The following MCTP1 variants were observed in gnomAD, a reference collection of about 807,000 sequenced individuals.
The protein encoded by MCTP1 is multiple C2 and transmembrane domain-containing protein 1.
Under a neutral mutation model 120.6 loss-of-function variants are expected in MCTP1, and 69 were observed. The observed-to-expected ratio is 0.57, with a 90% CI of 0.47 to 0.70. The LOEUF (loss-of-function observed/expected upper bound fraction) is 0.70, where lower values mean the gene tolerates loss of function less well. Ranked by LOEUF, MCTP1 falls within the 30% of genes least tolerant of loss-of-function variation. MCTP1 has a pLI of 0.00. For missense variants in MCTP1, 1,203 were observed against 1,248.8 expected (o/e 0.96, Z 0.55); for synonymous variants, 529 against 493.1 (o/e 1.07, Z -0.96).
At chr5:94,923,670 G>A (rs190324562) in intron 7 of MCTP1, among the ~76,000 whole-genome samples, 7 of 152,192 alleles carry the variant, frequency 4.6e-5, no homozygotes, top group African/African-American at 7.2e-5. Flanking sequence ...AGATGGCACC[G>A]TTATATTCCT....
intron 1 of MCTP1, among the ~76,000 whole-genome samples, chr5:95,079,146 C>T (rs1207011683): frequency 2.6e-5 from 4 of 152,122 alleles, no homozygotes; most frequent in African/African-American, 9.7e-5. Flanking sequence ...CCATAGCTTT[C>T]CTACTTGGGT....
chr5:94,725,035 C>T (rs976129327), intron 19 of MCTP1, among the ~76,000 whole-genome samples: 21 of 152,068 alleles, frequency 1.4e-4, no homozygotes, highest in African/African-American at 5.1e-4. Flanking sequence ...TTGTATGCCT[C>T]ACAGGGTTTT....
intron 1 of MCTP1, among the ~76,000 whole-genome samples, chr5:95,276,710 G>A (rs535298699): frequency 6.6e-6 from 1 of 151,744 alleles, no homozygotes; most frequent in Admixed American, 6.6e-5. Flanking sequence ...AGCACTTTGG[G>A]AGGCGGCTGA....
chr5:94,966,781 C>T (rs904052755), intron 2 of MCTP1, among the ~76,000 whole-genome samples: 5 of 150,590 alleles, frequency 3.3e-5, no homozygotes, highest in South Asian at 2.1e-4. Flanking sequence ...GGCGACAAAG[C>T]GAGACTCTGT....
intron 1 of MCTP1, among the ~76,000 whole-genome samples, chr5:95,111,672 T>C (rs1757464514): frequency 6.6e-6 from 1 of 152,140 alleles, no homozygotes; most frequent in Non-Finnish European, 1.5e-5. Context: ...ATGCAAAAAA[T>C]ACAATTATTA....
At chr5:94,867,654 AT>A (rs1026937005) in intron 17 of MCTP1, 91 of 365,574 alleles carry the variant, frequency 2.5e-4, no homozygotes, top group Non-Finnish European at 2.5e-4. Context: ...AGAGAAGAAA[AT>A]CCCAGCTAAA....
intron 19 of MCTP1, among the ~76,000 whole-genome samples, chr5:94,743,630 C>CT (rs1766117494): frequency 1.6e-5 from 2 of 124,586 alleles, no homozygotes; most frequent in African/African-American, 6.2e-5. Context: ...TCAAAATCCA[C>CT]ATTTTTTTTT....
At chr5:95,228,225 A>G (rs913039557) in intron 1 of MCTP1, among the ~76,000 whole-genome samples, 6 of 152,194 alleles carry the variant, frequency 3.9e-5, no homozygotes, top group African/African-American at 1.4e-4. Context: ...GAACAACAAC[A>G]ACAAAAAACA....
intron 17 of MCTP1, among the ~76,000 whole-genome samples, chr5:94,847,664 G>GTT (rs1792724424): frequency 7.3e-6 from 1 of 136,994 alleles, no homozygotes; most frequent in African/African-American, 3.1e-5. Context: ...GTGTGTGTGT[G>GTT]TGTGTGTGTG....
At chr5:94,936,650 T>A (rs1442183257) in intron 5 of MCTP1, among the ~76,000 whole-genome samples, 1 of 152,114 alleles carries the variant, frequency 6.6e-6, no homozygotes, top group East Asian at 1.9e-4. Context: ...GGTTCTTATT[T>A]TGAGTTTCAA....
chr5:95,120,018 T>C (rs1036591508), intron 1 of MCTP1, among the ~76,000 whole-genome samples: 4 of 150,748 alleles, frequency 2.7e-5, no homozygotes, highest in Non-Finnish European at 5.9e-5. Context: ...TAAAAAAAAA[T>C]ACAAAAAAAT....
At chr5:94,957,305 C>CA (rs1169643264) in intron 2 of MCTP1, among the ~76,000 whole-genome samples, 1 of 152,094 alleles carries the variant, frequency 6.6e-6, no homozygotes, top group Non-Finnish European at 1.5e-5. Flanking sequence ...CCAGCCTCCA[C>CA]AAAAACAAAC....
At chr5:95,062,661 T>G (rs746634345) in intron 1 of MCTP1, among the ~76,000 whole-genome samples, 1 of 152,186 alleles carries the variant, frequency 6.6e-6, no homozygotes, top group Non-Finnish European at 1.5e-5. Context: ...TTTCAGTGAT[T>G]ACAACCCTCC....
At chr5:94,899,327 C>T (rs766199453) in intron 10 of MCTP1, among the ~76,000 whole-genome samples, 10 of 152,222 alleles carry the variant, frequency 6.6e-5, no homozygotes, top group Non-Finnish European at 1.3e-4. Flanking sequence ...CTCAGCTGCT[C>T]CTTTGGCTAT....
At chr5:95,037,730 A>G (rs1251302825) in intron 1 of MCTP1, among the ~76,000 whole-genome samples, 1 of 152,044 alleles carries the variant, frequency 6.6e-6, no homozygotes, top group East Asian at 1.9e-4. Flanking sequence ...AGCTGGGCAC[A>G]GTGGCAGGCA....
intron 18 of MCTP1, among the ~76,000 whole-genome samples, chr5:94,796,930 G>A (rs531998296): frequency 6.6e-6 from 1 of 151,906 alleles, no homozygotes; most frequent in South Asian, 2.1e-4. Context: ...GAGTGTAGTT[G>A]GCATTCCATG....
intron 19 of MCTP1, among the ~76,000 whole-genome samples, chr5:94,770,048 G>A (rs1469316826): frequency 1.3e-5 from 2 of 152,204 alleles, no homozygotes; most frequent in Non-Finnish European, 2.9e-5. Context: ...AGAATCTGCA[G>A]AGTCAATGTC....
Position 94,706,783 on chromosome 5 carries a change from CAGTATTT to C in MCTP1, c.*706_*712del, listed in dbSNP as rs1200028752. On this transcript the variant is annotated 3_prime_UTR_variant, in exon 23 of 23. Transcript: ENST00000515393. ...AGATAGGCAATCGTTTATAAACTGG[CAGTATTT>C]ATGTTATGTAGTCCTGTAGAGATTT... 12 of 151,762 alleles carry C rather than the reference CAGTATTT, an allele frequency of 7.9e-5. No individual in the cohort carries two copies. The highest frequency in any genetic ancestry group is 1.5e-4 in the Non-Finnish European group (10 of 67,830). The allele number at this position is 151,762 out of a possible 1,614,324, so 9.4% of individuals were successfully genotyped here. A position where few individuals can be genotyped will look rare whatever the true frequency, so the allele number is the denominator to read the frequency against.
intron 1 of MCTP1, among the ~76,000 whole-genome samples, chr5:95,217,709 A>G (rs965940825): frequency 1.4e-4 from 22 of 152,186 alleles, no homozygotes; most frequent in African/African-American, 5.1e-4. Context: ...AAACCTAAAA[A>G]AGCACTTACT....
Sources: gnomAD v4.1 joint callset for allele counts (sites outside exome capture counted in the v4.1 genomes callset) on GRCh38, gnomAD v4.1.1 for gene constraint, MANE v1.5 for transcripts, NCBI Gene and HGNC (gene_info 2026-07-23, HGNC 2026-07-21) for gene names.